DEF6: variants seen among roughly 807,000 people sequenced by gnomAD.
The protein encoded by DEF6 is DEF6 guanine nucleotide exchange factor, also known as differentially expressed in FDCP 6 homolog.
In DEF6, 32 loss-of-function variants were observed where a neutral mutation model predicts 80.5. The ratio of observed to expected loss-of-function variants is 0.40; its 90% CI spans 0.30 to 0.53. The LOEUF is 0.53. DEF6 is among the 20% of genes least tolerant of loss of function. DEF6 has a pLI of 0.57. For missense variants in DEF6, 575 were observed against 818.7 expected, an observed-to-expected ratio of 0.70 and a Z score of 3.63; for synonymous variants, 300 against 337.9, an observed-to-expected ratio of 0.89 and a Z score of 1.23.
chr6:35,321,057 A>G (rs911255454), intron 10 of DEF6, 83 bp downstream of exon 10: 17 of 1,548,940 alleles, frequency 1.1e-5, no homozygotes, highest in Admixed American at 1.0e-4. Context: ...AGACCTCCAG[A>G]TCTCCCAGGG....
At position 35,310,471 on chromosome 6, in the gene DEF6, G is replaced by A. The variant is rs1582230770; in HGVS notation, c.250G>A (p.Ala84Thr). The change falls in exon 3 of 11, where the codon GCT becomes ACT. Residue 84 changes from alanine to threonine, a missense_variant. Coordinates refer to ENST00000316637, the MANE Select transcript of DEF6 (RefSeq NM_022047.4). ...GCCCTGGTGGCAGGTGGAGGAGGGGGCTTTTGTTAAAGAGCACTTTGATGA... is the reference window on the plus strand; with the variant it reads ...GCCCTGGTGGCAGGTGGAGGAGGGGACTTTTGTTAAAGAGCACTTTGATGA... ...KYILDKVEEG[A>T]FVKEHFDELC... 1 of 1,613,768 alleles carries A rather than the reference G, an allele frequency of 6.2e-7. No individual in the cohort carries two copies. Among genetic ancestry groups the A allele is most frequent in the Non-Finnish European group, 8.5e-7 (1 of 1,180,006 alleles).
At chr6:35,310,372 A>T in intron 2 of DEF6, 87 bp from the exon 3 acceptor site, 2 of 1,447,868 alleles carry the variant, frequency 1.4e-6, no homozygotes, top group Non-Finnish European at 1.9e-6. Context: ...GAGCAGGGGC[A>T]TAGATGAACC....
intron 1 of DEF6, among the ~76,000 whole-genome samples, chr6:35,299,509 C>T (rs1323887964): frequency 6.6e-6 from 1 of 152,158 alleles, no homozygotes; most frequent in Admixed American, 6.5e-5. Flanking sequence ...TTCCTGGTGC[C>T]ATCAGCCAGT....
chr6:35,313,993 T>C (rs1476912767), intron 5 of DEF6, among the ~76,000 whole-genome samples: 1 of 152,250 alleles, frequency 6.6e-6, no homozygotes, highest in Non-Finnish European at 1.5e-5. Context: ...GATAGTTCTA[T>C]TTTTAGTTTT....
At chr6:35,300,570 C>T (rs72911053) in intron 1 of DEF6, among the ~76,000 whole-genome samples, 12 of 152,282 alleles carry the variant, frequency 7.9e-5, no homozygotes, top group Non-Finnish European at 1.8e-4. Flanking sequence ...AAAGAGAAGG[C>T]TTGAGGGAAA....
rs201871472 is a variant in DEF6 at position 35,319,637 on chromosome 6, A to T, written c.1329A>T (p.Gln443His). 106 of 1,613,772 alleles carry T rather than the reference A, an allele frequency of 6.6e-5. No homozygotes were observed. The East Asian group carries it at 2.3e-3, about 35-fold the overall frequency. ...EMQQRLQEALQLEVKARRDEE... is the reference protein window; with the variant it reads ...EMQQRLQEALHLEVKARRDEE... ...AGCAGCGGTTGCAGGAGGCCCTGCAACTAGAGGTGAAAGCTCGGCGAGATG... is the reference window on the plus strand; with the variant it reads ...AGCAGCGGTTGCAGGAGGCCCTGCATCTAGAGGTGAAAGCTCGGCGAGATG... Residue 443 changes from glutamine (Q) to histidine (H), a missense_variant, in exon 8 of 11, where the codon CAA becomes CAT. Gln to His is a conservative substitution (Grantham distance 24). Coordinates refer to ENST00000316637, the MANE Select transcript of DEF6 (RefSeq NM_022047.4). The surrounding 1 kb of genome is among the most constrained non-coding windows in gnomAD (Gnocchi z 4.5).
chr6:35,304,058 G>A (rs770572403), intron 1 of DEF6, among the ~76,000 whole-genome samples: 2 of 152,098 alleles, frequency 1.3e-5, no homozygotes, highest in African/African-American at 2.4e-5. Context: ...GCTTGAACCC[G>A]GGAGGCAGAG....
chr6:35,306,366 C>A (rs1791390065), intron 1 of DEF6, among the ~76,000 whole-genome samples: 2 of 151,714 alleles, frequency 1.3e-5, no homozygotes, highest in African/African-American at 4.8e-5. Context: ...CAAAAATTAG[C>A]CAGGCATGGT....
intron 1 of DEF6, among the ~76,000 whole-genome samples, chr6:35,307,390 A>C (rs6907324): frequency 0.79 from 119,779 of 152,242 alleles, 47,761 homozygotes; most frequent in Non-Finnish European, 0.85. Flanking sequence ...CAGATTTGGA[A>C]CGCGTCTCAA....
intron 2 of DEF6, 26 bp downstream of exon 2, chr6:35,309,836 C>G: frequency 6.2e-7 from 1 of 1,611,672 alleles, no homozygotes; most frequent in South Asian, 1.1e-5. Context: ...TAGGGAGCAT[C>G]TGTAACCTCT....
chr6:35,320,163 T>G (rs1211091515), intron 9 of DEF6, 146 bp downstream of exon 9: 2 of 726,116 alleles, frequency 2.8e-6, no homozygotes, highest in Non-Finnish European at 4.5e-6. Flanking sequence ...CTTCTTGGAG[T>G]TAGTCTCTCA....
At position 35,318,046 on chromosome 6, in the gene DEF6, T is replaced by A; in HGVS notation, c.916+47T>A. 1 of 1,576,442 alleles carries A rather than the reference T, an allele frequency of 6.3e-7. No individual in the cohort carries two copies. Among genetic ancestry groups the A allele is most frequent in the South Asian group, 1.1e-5 (1 of 88,162 alleles). On this transcript the variant is annotated intron_variant, in intron 6 of 10. Transcript: ENST00000316637. This position sits in a 1 kb window ranked among gnomAD's most constrained non-coding sequence, Gnocchi z 5.1. ...TGGGTCTGGGTGGTCCTTAGGCGCC[T>A]CATCTGTGAAAAGGGGGTGATAATA... is the stretch of plus-strand genomic sequence containing the variant.
At position 35,314,067 on chromosome 6, in the gene DEF6, A is replaced by G. The variant is rs143179484; in HGVS notation, c.807+1295A>G. 1.8e-4 allele frequency among the ~76,000 whole-genome samples: 27 copies of G among 152,292 alleles called. No homozygotes were observed. The East Asian group carries it at 4.3e-3, about 24-fold the overall frequency. On this transcript the variant is annotated intron_variant, in intron 5 of 10. Transcript: ENST00000316637. Reference sequence around the variant, plus strand: ...TAATTTATATTCCCACTAACAGTTTATCAGGGTTCCCCTTTCTCCACGTCT... The same window carrying G: ...TAATTTATATTCCCACTAACAGTTTGTCAGGGTTCCCCTTTCTCCACGTCT...
At chr6:35,307,398 C>CA (rs1417526903) in intron 1 of DEF6, among the ~76,000 whole-genome samples, 6 of 152,162 alleles carry the variant, frequency 3.9e-5, no homozygotes, top group South Asian at 4.1e-4. Flanking sequence ...GAACGCGTCT[C>CA]AAAAAAAGAT....
At chr6:35,316,539 T>C (rs1173253800) in intron 5 of DEF6, among the ~76,000 whole-genome samples, 1 of 152,242 alleles carries the variant, frequency 6.6e-6, no homozygotes, top group Non-Finnish European at 1.5e-5. Context: ...AGCTGTGAGT[T>C]TGTCATAGAT....
chr6:35,300,656 A>G (rs1026904088), intron 1 of DEF6, among the ~76,000 whole-genome samples: 66 of 152,344 alleles, frequency 4.3e-4, no homozygotes, highest in African/African-American at 1.5e-3. Context: ...GAGAACAGAG[A>G]AAGTAAACCA....
Position 35,318,058 on chromosome 6 carries a change from A to G in DEF6, c.916+59A>G. 6.4e-7 allele frequency: 1 copy of G among 1,567,940 alleles called. No individual in the cohort carries two copies. The highest frequency in any genetic ancestry group is 8.7e-7 in the Non-Finnish European group (1 of 1,155,486). On this transcript the variant is annotated intron_variant, in intron 6 of 10. Transcript: ENST00000316637. The surrounding 1 kb of genome is among the most constrained non-coding windows in gnomAD (Gnocchi z 5.1). ...GTCCTTAGGCGCCTCATCTGTGAAA[A>G]GGGGGTGATAATACTTTGTCCAGCG...
Position 35,312,602 on chromosome 6 carries a change from C to T in DEF6, c.661-24C>T. Reference sequence around the variant, plus strand: ...CAGGGCGAAGGGGGGCCTGGGAAGCCTCTGACGTAACTCCGGCTGGCAGGG... The same window carrying T: ...CAGGGCGAAGGGGGGCCTGGGAAGCTTCTGACGTAACTCCGGCTGGCAGGG... On this transcript the variant is annotated intron_variant, in intron 4 of 10. Transcript: ENST00000316637. This position sits in a 1 kb window ranked among gnomAD's most constrained non-coding sequence, Gnocchi z 6.6. 6.2e-7 allele frequency: 1 copy of T among 1,614,216 alleles called. No individual in the cohort carries two copies. Among genetic ancestry groups the T allele is most frequent in the Middle Eastern group, 1.6e-4 (1 of 6,062 alleles).
At position 35,320,974 on chromosome 6, in the gene DEF6, G is replaced by C; in HGVS notation, c.1672G>C (p.Asp558His). 1 of 1,612,914 alleles carries C rather than the reference G, an allele frequency of 6.2e-7. No homozygotes were observed. The highest frequency in any genetic ancestry group is 8.5e-7 in the Non-Finnish European group (1 of 1,179,378). Residue 558 changes from aspartate (D) to histidine (H), a missense_variant and splice_region_variant, in exon 10 of 11, where the codon GAT becomes CAT. Transcript: ENST00000316637. ...NRLMHPIEPG[D>H]KRPVTSSSFS... is the part of the protein sequence containing the mutation. ...GCTGATGCATCCAATTGAGCCTGGA[G>C]GTGAGAAGGAATAGACTCTGGAGCT...
Sources: gnomAD v4.1 joint callset for allele counts (sites outside exome capture counted in the v4.1 genomes callset) on GRCh38, gnomAD v4.1.1 for gene constraint, Gnocchi (gnomAD v3.1) non-coding constraint, MANE v1.5 for transcripts, NCBI Gene and HGNC (gene_info 2026-07-23, HGNC 2026-07-21) for gene names.